Variants in ADGRG6 observed in about 807,000 individuals in gnomAD.
ADGRG6 encodes the protein adhesion G protein-coupled receptor G6, also known as G-protein coupled receptor 126.
In ADGRG6, 84 loss-of-function variants were observed where a neutral mutation model predicts 142.4. That is an observed-to-expected ratio of 0.59 (90% CI 0.49 to 0.71). The LOEUF (loss-of-function observed/expected upper bound fraction) is 0.71, where lower values mean the gene tolerates loss of function less well. Among genes scored for constraint, ADGRG6 ranks in the 30% least tolerant of loss-of-function variants. The pLI is 0.00. For missense variants in ADGRG6, 1,367 were observed against 1,466.6 expected (o/e 0.93, Z 1.11); for synonymous variants, 521 against 520.5 (o/e 1.00, Z -0.01).
chr6:142,320,400 A>C (rs1388619032), intron 2 of ADGRG6, among the ~76,000 whole-genome samples: 1 of 152,124 alleles, frequency 6.6e-6, no homozygotes, highest in Non-Finnish European at 1.5e-5. Context: ...GATGCAACTA[A>C]ACTAATAATG....
At chr6:142,307,826 CT>C (rs1253386668) in intron 1 of ADGRG6, among the ~76,000 whole-genome samples, 2 of 151,946 alleles carry the variant, frequency 1.3e-5, no homozygotes, top group African/African-American at 4.8e-5. Context: ...AAATCTTAAC[CT>C]TTTCCTGGTT....
At chr6:142,422,341 A>C (rs1776700607) in intron 22 of ADGRG6, among the ~76,000 whole-genome samples, 1 of 151,766 alleles carries the variant, frequency 6.6e-6, no homozygotes, top group African/African-American at 2.4e-5. Flanking sequence ...CAGTCCCCAG[A>C]GTGTGATATT....
intron 13 of ADGRG6, 133 bp from the exon 14 acceptor site, chr6:142,403,669 G>T: frequency 1.7e-6 from 1 of 582,112 alleles, no homozygotes; most frequent in Non-Finnish European, 2.9e-6. Flanking sequence ...AATTTTATGG[G>T]TGTTCATGTT....
chr6:142,355,683 A>G (rs1017393754), intron 2 of ADGRG6, among the ~76,000 whole-genome samples: 2 of 152,038 alleles, frequency 1.3e-5, no homozygotes, highest in Admixed American at 6.5e-5. Flanking sequence ...TATTGGAAAC[A>G]TGCTGCACTG....
At chr6:142,330,856 TA>T (rs1218324799) in intron 2 of ADGRG6, among the ~76,000 whole-genome samples, 1 of 152,152 alleles carries the variant, frequency 6.6e-6, no homozygotes, top group African/African-American at 2.4e-5. Flanking sequence ...TTCAATTTAT[TA>T]TACATCAGAG....
intron 1 of ADGRG6, among the ~76,000 whole-genome samples, chr6:142,303,737 A>G (rs530449460): frequency 6.6e-6 from 1 of 152,310 alleles, no homozygotes; most frequent in South Asian, 2.1e-4. Flanking sequence ...AGTTTTTTTC[A>G]GCTTTCCTAA....
intron 1 of ADGRG6, among the ~76,000 whole-genome samples, chr6:142,304,306 TTTAA>T (rs1188346482): frequency 6.6e-6 from 1 of 152,208 alleles, no homozygotes. Context: ...ACTCAGGTTC[TTTAA>T]TTATAGACTT....
chr6:142,392,678 G>T (rs1454255116), intron 7 of ADGRG6, among the ~76,000 whole-genome samples: 3 of 151,960 alleles, frequency 2.0e-5, no homozygotes, highest in Non-Finnish European at 4.4e-5. Flanking sequence ...TGAAAGCTCA[G>T]TTTCTTTATA....
At chr6:142,343,326 A>G (rs1779749592) in intron 2 of ADGRG6, among the ~76,000 whole-genome samples, 1 of 151,804 alleles carries the variant, frequency 6.6e-6, no homozygotes, top group South Asian at 2.1e-4. Context: ...ATGACAAAGC[A>G]TTGGTAAGCA....
Position 142,397,626 on chromosome 6 carries a change from G to A in ADGRG6, c.1438G>A (p.Ala480Thr). The change falls in exon 10 of 25, where the codon GCC (alanine) becomes ACC (threonine). Residue 480 changes from alanine to threonine, a missense_variant. Physicochemically the swap from Ala to Thr is moderately conservative, Grantham distance 58 (BLOSUM62 0). Transcript: ENST00000367609. ...LEDEPRLVLWALLVYNATNNT... is the reference protein window; with the variant it reads ...LEDEPRLVLWTLLVYNATNNT... ...ATGTTTCCCTAGGTTGGTGCTTTGG[G>A]CCCTTCTAGTTTACAATGCTACCAA... 2 of 1,608,538 alleles carry A rather than the reference G, an allele frequency of 1.2e-6. No homozygotes were observed. Among genetic ancestry groups the A allele is most frequent in the Non-Finnish European group, 1.7e-6 (2 of 1,177,744 alleles).
intron 2 of ADGRG6, among the ~76,000 whole-genome samples, chr6:142,331,238 T>G (rs963095315): frequency 1.3e-5 from 2 of 152,178 alleles, no homozygotes; most frequent in African/African-American, 4.8e-5. Context: ...CTTTTAGATC[T>G]GAGAAGATAT....
Position 142,415,943 on chromosome 6 carries a change from C to T in ADGRG6, c.2817C>T (p.Phe939=). Residue 939 remains phenylalanine, a synonymous_variant, in exon 20 of 25, where the codon TTC becomes TTT. Transcript: ENST00000367609. ...LCIAVAVLLH[F]FLLATFTWMG... ...TTGCTGTTGCAGTCCTGTTGCATTT[C>T]TTCCTTCTGGCAACCTTTACCTGGA... 6.2e-7 allele frequency: 1 copy of T among 1,613,630 alleles called. No homozygotes were observed. The highest frequency in any genetic ancestry group is 8.5e-7 in the Non-Finnish European group (1 of 1,179,678).
intron 2 of ADGRG6, among the ~76,000 whole-genome samples, chr6:142,333,340 T>G (rs1279066959): frequency 6.6e-6 from 1 of 152,146 alleles, no homozygotes; most frequent in Non-Finnish European, 1.5e-5. Context: ...CAGGGTTATA[T>G]CCCCTCTGAC....
Position 142,443,235 on chromosome 6 carries a change from T to C in ADGRG6, c.3575-102T>C, listed in dbSNP as rs1582703553. On this transcript the variant is annotated intron_variant, in intron 24 of 24. Transcript: ENST00000367609. ...AAGAAAGAATCGGAGCTTTATTTTC[T>C]TTTGTTCTTCTTTAATGTGCAAAAC... The C allele has an allele frequency of 7.6e-6, 5 of 659,308 alleles. No individual in the cohort carries two copies. The East Asian group carries it at 1.4e-4, about 18-fold the overall frequency. The allele number at this position is 659,308 out of a possible 1,614,324, so 40.8% of individuals were successfully genotyped here.
chr6:142,394,452 A>G (rs549019683), intron 9 of ADGRG6, among the ~76,000 whole-genome samples: 3 of 152,324 alleles, frequency 2.0e-5, no homozygotes, highest in African/African-American at 7.2e-5. Context: ...TCCAGCATAT[A>G]TGACCAGTTG....
chr6:142,306,993 A>T (rs982678894), intron 1 of ADGRG6, among the ~76,000 whole-genome samples: 1 of 152,090 alleles, frequency 6.6e-6, no homozygotes, highest in Non-Finnish European at 1.5e-5. Context: ...GCCTTAAGCC[A>T]TGGTCATCAT....
chr6:142,333,052 T>C (rs1258414861), intron 2 of ADGRG6, among the ~76,000 whole-genome samples: 1 of 152,232 alleles, frequency 6.6e-6, no homozygotes, highest in African/African-American at 2.4e-5. Flanking sequence ...CAGGTTTCCA[T>C]TATTGAAATG....
chr6:142,433,736 T>G (rs894636809), intron 22 of ADGRG6, among the ~76,000 whole-genome samples: 4 of 152,218 alleles, frequency 2.6e-5, no homozygotes, highest in African/African-American at 7.2e-5. Flanking sequence ...TTGATTGATA[T>G]TTATTAATGC....
intron 19 of ADGRG6, 108 bp downstream of exon 19, chr6:142,415,204 T>C: frequency 1.6e-6 from 1 of 612,556 alleles, no homozygotes; most frequent in African/African-American, 1.9e-5. Flanking sequence ...TGGTTGAACG[T>C]TAATGTTCAT....
Sources: gnomAD v4.1 joint callset for allele counts (sites outside exome capture counted in the v4.1 genomes callset) on GRCh38, gnomAD v4.1.1 for gene constraint, MANE v1.5 for transcripts, NCBI Gene and HGNC (gene_info 2026-07-23, HGNC 2026-07-21) for gene names.